GALNT13: variants seen among roughly 807,000 people sequenced by gnomAD.
GALNT13 encodes polypeptide N-acetylgalactosaminyltransferase 13.
GALNT13 carries 28 observed loss-of-function variants against 64.2 expected under a neutral mutation model. The ratio of observed to expected loss-of-function variants is 0.44; its 90% CI spans 0.32 to 0.60. The LOEUF is 0.60. Ranked by LOEUF, GALNT13 falls within the 20% of genes least tolerant of loss-of-function variation. The pLI is 0.05. For synonymous variants in GALNT13, 214 were observed against 224.6 expected, an observed-to-expected ratio of 0.95 and a Z score of 0.42; for missense variants, 577 against 669.8, an observed-to-expected ratio of 0.86 and a Z score of 1.53.
At position 153,916,165 on chromosome 2, in the gene GALNT13, CT is replaced by C. The variant is rs11375177; in HGVS notation, c.-105+15171del. ...CTTCCTTCCTTCCTTTTTTCTTTTT[CT>C]TTTTTTTTTTTTATAAGGTCTTGCT... On this transcript the variant is annotated intron_variant, in intron 2 of 12. Coordinates refer to ENST00000392825, the MANE Select transcript of GALNT13 (RefSeq NM_052917.4). Among the ~76,000 whole-genome samples the C allele has an allele frequency of 4.7e-3, 625 of 132,046 alleles. 7 individuals carry two copies. The East Asian group carries it at 0.061, about 13-fold the overall frequency. 86.6% of individuals were successfully genotyped at this position (132,046 alleles called of 152,430 possible).
chr2:154,215,100 A>G (rs1382266880), intron 4 of GALNT13, among the ~76,000 whole-genome samples: 1 of 152,184 alleles, frequency 6.6e-6, no homozygotes, highest in Non-Finnish European at 1.5e-5. Context: ...AAGAAAATCA[A>G]ACCTAGATGA....
intron 3 of GALNT13, among the ~76,000 whole-genome samples, chr2:153,992,921 A>G (rs1193031391): frequency 6.6e-6 from 1 of 152,174 alleles, no homozygotes; most frequent in Non-Finnish European, 1.5e-5. Flanking sequence ...GACATCTTAT[A>G]TCTAATACCC....
rs890276841 is a variant in GALNT13 at position 154,184,695 on chromosome 2, G to A, written c.311+44190G>A. 3.9e-5 allele frequency among the ~76,000 whole-genome samples: 6 copies of A among 152,096 alleles called. No individual in the cohort carries two copies. The East Asian group carries it at 1.2e-3, about 29-fold the overall frequency. Reference sequence around the variant, plus strand: ...ATGGCAAGAGAGAAAACAAGAGTAGGGAGTAGAAGTGCCAGGCCCTTTTTA... The same window carrying A: ...ATGGCAAGAGAGAAAACAAGAGTAGAGAGTAGAAGTGCCAGGCCCTTTTTA... On this transcript the variant is annotated intron_variant, in intron 4 of 12. Coordinates refer to ENST00000392825, the MANE Select transcript of GALNT13 (RefSeq NM_052917.4).
chr2:153,525,271 C>T, the GALNT13 span, among the ~76,000 whole-genome samples: 1 of 152,216 alleles, frequency 6.6e-6, no homozygotes, highest in Non-Finnish European at 1.5e-5. Context: ...ATTGAGGGCT[C>T]AGGCAAGACT....
intron 3 of GALNT13, among the ~76,000 whole-genome samples, chr2:154,058,550 C>A (rs932851378): frequency 6.6e-6 from 1 of 152,072 alleles, no homozygotes; most frequent in Non-Finnish European, 1.5e-5. Flanking sequence ...AGTAGGAGGT[C>A]TGGGTAGGCC....
At chr2:153,969,301 A>G (rs1693588991) in intron 3 of GALNT13, among the ~76,000 whole-genome samples, 1 of 152,080 alleles carries the variant, frequency 6.6e-6, no homozygotes, top group Non-Finnish European at 1.5e-5. Flanking sequence ...TAGTTTAAAA[A>G]CAAATCTAAT....
chr2:154,368,278 CAT>C (rs1286567984), intron 9 of GALNT13, among the ~76,000 whole-genome samples: 2 of 152,096 alleles, frequency 1.3e-5, no homozygotes, highest in Admixed American at 6.5e-5. Context: ...ATGAGCTTCT[CAT>C]GTGAGATTAG....
At chr2:153,377,230 C>T in the GALNT13 span, among the ~76,000 whole-genome samples, 5 of 152,140 alleles carry the variant, frequency 3.3e-5, no homozygotes, top group African/African-American at 1.2e-4. Context: ...AGAAATCAAC[C>T]TTTCTGGCAC....
At chr2:153,260,885 T>G in the GALNT13 span, among the ~76,000 whole-genome samples, 1 of 152,072 alleles carries the variant, frequency 6.6e-6, no homozygotes, top group African/African-American at 2.4e-5. Context: ...TCATTCTTTT[T>G]TATTCTTTTT....
intron 3 of GALNT13, among the ~76,000 whole-genome samples, chr2:154,032,220 T>G (rs1201417727): frequency 6.6e-6 from 1 of 152,034 alleles, no homozygotes; most frequent in Non-Finnish European, 1.5e-5. Context: ...AATAAACCTA[T>G]TTTTGAAAGA....
intron 9 of GALNT13, among the ~76,000 whole-genome samples, chr2:154,343,752 A>T (rs1695904689): frequency 6.6e-6 from 1 of 152,090 alleles, no homozygotes; most frequent in Non-Finnish European, 1.5e-5. Flanking sequence ...TACTGATATA[A>T]TCAGAAAAGG....
chr2:153,929,308 G>C (rs186256596), intron 2 of GALNT13, among the ~76,000 whole-genome samples: 1 of 152,114 alleles, frequency 6.6e-6, no homozygotes, highest in South Asian at 2.1e-4. Flanking sequence ...CCTTATCCCA[G>C]CCCTACTGTA....
At chr2:153,776,299 A>G in the GALNT13 span, among the ~76,000 whole-genome samples, 1 of 152,186 alleles carries the variant, frequency 6.6e-6, no homozygotes, top group South Asian at 2.1e-4. Context: ...AGAGTTGTTT[A>G]TGTTTTACCC....
chr2:154,013,633 G>A (rs956112705), intron 3 of GALNT13, among the ~76,000 whole-genome samples: 4 of 152,080 alleles, frequency 2.6e-5, no homozygotes, highest in African/African-American at 4.8e-5. Flanking sequence ...TGGTGGACAC[G>A]AGGTTCTGGA....
At chr2:153,804,893 AAAAT>A in the GALNT13 span, among the ~76,000 whole-genome samples, 1 of 152,084 alleles carries the variant, frequency 6.6e-6, no homozygotes. Flanking sequence ...AGAAGGTTGT[AAAAT>A]AAAGGAAACA....
At chr2:154,450,064 A>C (rs2105507466) in intron 12 of GALNT13, among the ~76,000 whole-genome samples, 1 of 152,174 alleles carries the variant, frequency 6.6e-6, no homozygotes, top group African/African-American at 2.4e-5. Context: ...TAAGAAAACT[A>C]AGCTTTTGCA....
the GALNT13 span, among the ~76,000 whole-genome samples, chr2:153,383,633 T>G: frequency 2.5e-4 from 38 of 152,182 alleles, no homozygotes; most frequent in Middle Eastern, 6.8e-3. Flanking sequence ...TTAAAGGTAC[T>G]TAATTAGCTT....
At chr2:153,464,464 A>C in the GALNT13 span, among the ~76,000 whole-genome samples, 1 of 152,108 alleles carries the variant, frequency 6.6e-6, no homozygotes, top group African/African-American at 2.4e-5. Context: ...GTGTTTTATA[A>C]ATGGAAACTG....
At chr2:153,902,250 G>C (rs1297362813) in intron 2 of GALNT13, among the ~76,000 whole-genome samples, 1 of 150,004 alleles carries the variant, frequency 6.7e-6, no homozygotes, top group East Asian at 2.1e-4. Flanking sequence ...CACTACTTTT[G>C]GTTTTGAGAC....
Sources: gnomAD v4.1 joint callset for allele counts (sites outside exome capture counted in the v4.1 genomes callset) on GRCh38, gnomAD v4.1.1 for gene constraint, MANE v1.5 for transcripts, NCBI Gene and HGNC (gene_info 2026-07-23, HGNC 2026-07-21) for gene names.